The following BSN variants were observed in gnomAD, a reference collection of about 807,000 sequenced individuals.
BSN encodes bassoon presynaptic cytomatrix protein.
A neutral mutation model predicts 264.8 loss-of-function variants in BSN; 57 were observed. The observed-to-expected ratio is 0.22, with a 90% confidence interval of 0.17 to 0.27. The LOEUF is 0.27. Among genes scored for constraint, BSN ranks in the 10% least tolerant of loss-of-function variants. The probability of loss-of-function intolerance (pLI) is 1.00; values close to 1 mark genes in which losing one functional copy is unlikely to be tolerated. For missense variants in BSN, 4,615 were observed against 5,232.5 expected, an observed-to-expected ratio of 0.88 and a Z score of 3.64; for synonymous variants, 2,059 against 2,137.3, an observed-to-expected ratio of 0.96 and a Z score of 1.01.
At position 49,657,511 on chromosome 3, in the gene BSN, C is replaced by T; in HGVS notation, c.7955C>T (p.Ser2652Phe). 1.2e-6 allele frequency: 2 copies of T among 1,613,214 alleles called. No individual in the cohort carries two copies. The highest frequency in any genetic ancestry group is 1.7e-6 in the Non-Finnish European group (2 of 1,180,020). Residue 2652 changes from serine (S) to phenylalanine (F), a missense_variant, in exon 5 of 12, where the codon TCC (serine) becomes TTC (phenylalanine). Physicochemically the swap from Ser to Phe is radical, Grantham distance 155. Around this residue, in one of 3 missense-constraint regions of BSN, gnomAD observed 3,415 missense variants for 3,866.4 expected, o/e 0.88. Coordinates refer to ENST00000296452, the MANE Select transcript of BSN (RefSeq NM_003458.4). ...DSKHDATASSSSAAATVRAMS... is the reference protein window; with the variant it reads ...DSKHDATASSFSAAATVRAMS... ...AAGCACGATGCCACTGCCTCATCATCCAGTGCTGCTGCCACTGTGAGGGCC... is the reference window on the plus strand; with the variant it reads ...AAGCACGATGCCACTGCCTCATCATTCAGTGCTGCTGCCACTGTGAGGGCC...
rs1221308037 is a variant in BSN at position 49,625,469 on chromosome 3, T to C, written c.633+86T>C. 1.6e-6 allele frequency: 2 copies of C among 1,278,858 alleles called. No homozygotes were observed. Among genetic ancestry groups the C allele is most frequent in the South Asian group, 3.9e-5 (2 of 51,500 alleles). The allele number at this position is 1,278,858 out of a possible 1,614,324, so 79.2% of individuals were successfully genotyped here. A position where few individuals can be genotyped will look rare whatever the true frequency, so the allele number is the denominator to read the frequency against. ...TTCCCTTCCCCTCTTTCACCAACTC[T>C]CTTTTCCTGGTCATTTCCCTTGACC... On this transcript the variant is annotated intron_variant, in intron 2 of 11. Coordinates refer to ENST00000296452, the MANE Select transcript of BSN (RefSeq NM_003458.4). This position sits in a 1 kb window ranked among gnomAD's most constrained non-coding sequence, Gnocchi z 4.4.
At chr3:49,644,832 T>A (rs991036234) in intron 3 of BSN, among the ~76,000 whole-genome samples, 1 of 152,202 alleles carries the variant, frequency 6.6e-6, no homozygotes, top group African/African-American at 2.4e-5. Context: ...AGGGGAAAAC[T>A]GTCTCTGTCC....
chr3:49,564,544 C>T (rs1364903413), intron 1 of BSN, among the ~76,000 whole-genome samples: 2 of 152,164 alleles, frequency 1.3e-5, no homozygotes, highest in Non-Finnish European at 2.9e-5. Context: ...CTTCCTAGGC[C>T]CTGTGAGCCT....
In BSN at chr3:49,575,658, G is replaced by GTA. The variant is rs10538409; in HGVS notation, c.224+20851_224+20852dup. On this transcript the variant is annotated intron_variant, in intron 1 of 11. Transcript: ENST00000296452. ...TATGTATATATATGTGTGTGTGTGT[G>GTA]TATATATATATATATATATACAAGT... Among the ~76,000 whole-genome samples, 1,089 of 141,616 alleles carry GTA rather than the reference G, an allele frequency of 7.7e-3. 8 individuals are homozygous for GTA. The highest frequency in any genetic ancestry group is 9.1e-3 in the Non-Finnish European group (601 of 65,916). The allele number at this position is 141,616 out of a possible 152,430, so 92.9% of individuals were successfully genotyped here.
chr3:49,635,833 C>T (rs143633124), intron 2 of BSN, among the ~76,000 whole-genome samples: 1,743 of 151,920 alleles, frequency 0.011, 36 homozygotes, highest in African/African-American at 0.039. Context: ...CAAAAATTAG[C>T]TGGGTGTGGT....
At chr3:49,554,860 A>G in intron 1 of BSN, 34 bp downstream of exon 1, 2 of 1,111,320 alleles carry the variant, frequency 1.8e-6, no homozygotes, top group Non-Finnish European at 2.2e-6. Context: ...GGGGGCGGTG[A>G]GCTGCAGCCT....
In BSN at chr3:49,669,221, G is replaced by A. The variant is rs979572116; in HGVS notation, c.*1736G>A. 2.0e-5 allele frequency: 3 copies of A among 152,658 alleles called. No individual in the cohort carries two copies. Among genetic ancestry groups the A allele is most frequent in the South Asian group, 2.1e-4 (1 of 4,828 alleles). 9.5% of individuals were successfully genotyped at this position (152,658 alleles called of 1,614,324 possible). A position where few individuals can be genotyped will look rare whatever the true frequency, so the allele number is the denominator to read the frequency against. ...CTTCTGCACAAGCTAGTGAGGACCT[G>A]CCAGAATTGTTGCCTGAGCGTGCCA... is the stretch of plus-strand genomic sequence containing the variant. On this transcript the variant is annotated 3_prime_UTR_variant, in exon 12 of 12. Transcript: ENST00000296452.
Position 49,638,159 on chromosome 3 carries a change from G to A in BSN, c.634-4109G>A, listed in dbSNP as rs1394342950. ...TCTGATTCTGATGGAGAGCCAGCTT[G>A]GAGAGGGCCTAGGAGCCACAGGGAG... On this transcript the variant is annotated intron_variant, in intron 2 of 11. Transcript: ENST00000296452. This position sits in a 1 kb window ranked among gnomAD's most constrained non-coding sequence, Gnocchi z 4.3. Among the ~76,000 whole-genome samples the A allele has an allele frequency of 6.6e-6, 1 of 152,222 alleles. No individual in the cohort carries two copies. The highest frequency in any genetic ancestry group is 1.5e-5 in the Non-Finnish European group (1 of 68,030).
Position 49,661,605 on chromosome 3 carries a change from C to T in BSN, c.9760C>T (p.Leu3254=), listed in dbSNP as rs150258674. The change falls in exon 6 of 12, where the codon CTG becomes TTG. Residue 3254 remains leucine (L), a synonymous_variant. Coordinates refer to ENST00000296452, the MANE Select transcript of BSN (RefSeq NM_003458.4). ...CTCTACTGCTCCTGATAGCCAACGG[C>T]TGGAGCCCCTGGGGCCAGGCAGCAG... ...STSTAPDSQR[L]EPLGPGSSGR... The T allele has an allele frequency of 2.5e-6, 4 of 1,613,580 alleles. No homozygotes were observed. The highest frequency in any genetic ancestry group is 3.4e-6 in the Non-Finnish European group (4 of 1,180,050).
At chr3:49,672,811 T>C (rs1262388282), downstream of BSN, among the ~76,000 whole-genome samples, 10 of 127,998 alleles carry the variant, frequency 7.8e-5, no homozygotes, top group Non-Finnish European at 9.9e-5. Flanking sequence ...AGATGGACTC[T>C]GGCTGTCGCC....
At chr3:49,589,164 G>A (rs1410532287) in intron 1 of BSN, among the ~76,000 whole-genome samples, 1 of 147,934 alleles carries the variant, frequency 6.8e-6, no homozygotes, top group African/African-American at 2.5e-5. Context: ...CGCCCGCCTC[G>A]GCCTCCCAAA....
At chr3:49,581,825 A>G (rs1300737469) in intron 1 of BSN, among the ~76,000 whole-genome samples, 1 of 152,190 alleles carries the variant, frequency 6.6e-6, no homozygotes, top group Non-Finnish European at 1.5e-5. Flanking sequence ...TCTGTCTCAA[A>G]AAAAAACCCA....
chr3:49,555,101 G>C (rs2051654975), intron 1 of BSN, among the ~76,000 whole-genome samples: 2 of 152,186 alleles, frequency 1.3e-5, no homozygotes, highest in African/African-American at 2.4e-5. Flanking sequence ...CCCAACGCTC[G>C]GGCCTGACTG....
chr3:49,669,299 CCAGGACAG>C lies in BSN; in HGVS notation c.*1819_*1826del, dbSNP rs1436692149. The C allele has an allele frequency of 6.6e-6, 1 of 152,644 alleles. No individual in the cohort carries two copies. Among genetic ancestry groups the C allele is most frequent in the Non-Finnish European group, 1.5e-5 (1 of 68,066 alleles). 9.5% of individuals were successfully genotyped at this position (152,644 alleles called of 1,614,324 possible). On this transcript the variant is annotated 3_prime_UTR_variant, in exon 12 of 12. Transcript: ENST00000296452. Reference sequence around the variant, plus strand: ...CCACATACCCTGCAGTTTTCTCTGTCCAGGACAGCAGGTAAAAAGGAATCCCCAGAGCA... The same window carrying C: ...CCACATACCCTGCAGTTTTCTCTGTCCAGGTAAAAAGGAATCCCCAGAGCA...
At chr3:49,598,596 C>T (rs550181292) in intron 1 of BSN, among the ~76,000 whole-genome samples, 29 of 152,102 alleles carry the variant, frequency 1.9e-4, no homozygotes, top group Admixed American at 5.9e-4. Flanking sequence ...CATGCCTGGC[C>T]TTTTTGTAAA....
At position 49,653,108 on chromosome 3, in the gene BSN, T is replaced by G. The variant is rs2052559044; in HGVS notation, c.3552T>G (p.Ala1184=). The part of the protein sequence containing the change: ...TPSSGRPLKS[A]EEAYEEMMRK... ...GTTCCGGACGGCCGCTCAAGAGCGC[T>G]GAGGAGGCTTATGAGGAGATGATGC... The change falls in exon 5 of 12, where the codon GCT becomes GCG. Residue 1184 remains alanine (A), a synonymous_variant. Transcript: ENST00000296452. This position sits in a 1 kb window ranked among gnomAD's most constrained non-coding sequence, Gnocchi z 6.3. 1 of 1,613,348 alleles carries G rather than the reference T, an allele frequency of 6.2e-7. No individual in the cohort carries two copies. The highest frequency in any genetic ancestry group is 8.5e-7 in the Non-Finnish European group (1 of 1,179,986).
chr3:49,573,692 T>C (rs1400731831), intron 1 of BSN, among the ~76,000 whole-genome samples: 2 of 150,864 alleles, frequency 1.3e-5, no homozygotes, highest in African/African-American at 2.4e-5. Flanking sequence ...AGTTTTGCTC[T>C]TGTTGCCCAG....
In BSN at chr3:49,661,033, A is replaced by G. The variant is rs1350574876; in HGVS notation, c.9188A>G (p.Tyr3063Cys). 3 of 1,611,168 alleles carry G rather than the reference A, an allele frequency of 1.9e-6. No homozygotes were observed. The highest frequency in any genetic ancestry group is 2.5e-6 in the Non-Finnish European group (3 of 1,179,846). ...CGCTTCCAGCCTCCAGCCCCACAGT[A>G]TTCTGCAGGCAGTGGTGGGCCAACT... ...QPRFQPPAPQYSAGSGGPTQN... is the reference protein window; with the variant it reads ...QPRFQPPAPQCSAGSGGPTQN... Residue 3063 changes from tyrosine (Y) to cysteine (C), a missense_variant, in exon 6 of 12, where the codon TAT becomes TGT. Physicochemically the swap from Tyr to Cys is radical, Grantham distance 194. Transcript: ENST00000296452.
chr3:49,671,242 G>C lies in BSN; in HGVS notation c.*3757G>C, dbSNP rs2052755439. On this transcript the variant is annotated 3_prime_UTR_variant, in exon 12 of 12. Coordinates refer to ENST00000296452, the MANE Select transcript of BSN (RefSeq NM_003458.4). The surrounding 1 kb of genome is among the most constrained non-coding windows in gnomAD (Gnocchi z 4.1). ...CTCTCCAAGTGCACTACCCTGGAGA[G>C]TGGTGGCCACTCAATACCTTTTCCT... 1 of 152,410 alleles carries C rather than the reference G, an allele frequency of 6.6e-6. No homozygotes were observed. Among genetic ancestry groups the C allele is most frequent in the Non-Finnish European group, 1.5e-5 (1 of 68,082 alleles). The allele number at this position is 152,410 out of a possible 1,614,324, so 9.4% of individuals were successfully genotyped here.
Sources: gnomAD v4.1 joint callset for allele counts (sites outside exome capture counted in the v4.1 genomes callset) on GRCh38, gnomAD v4.1.1 for gene constraint, gnomAD v4.1.1 regional missense constraint, Gnocchi (gnomAD v3.1) non-coding constraint, MANE v1.5 for transcripts, NCBI Gene and HGNC (gene_info 2026-07-23, HGNC 2026-07-21) for gene names.